Variants in NRG3 observed in about 807,000 individuals in gnomAD.
The protein encoded by NRG3 is neuregulin 3, also known as pro-neuregulin-3, membrane-bound isoform.
NRG3 carries 31 observed loss-of-function variants against 66.9 expected under a neutral mutation model. The ratio of observed to expected loss-of-function variants is 0.46; its 90% CI spans 0.35 to 0.63. The LOEUF is 0.63. NRG3 is among the 20% of genes least tolerant of loss of function. The pLI is 0.00. For synonymous variants in NRG3, 393 were observed against 359.4 expected (o/e 1.09, Z -1.06); for missense variants, 910 against 878.9 (o/e 1.04, Z -0.45).
At chr10:82,550,125 T>C (rs933155394) in intron 2 of NRG3, among the ~76,000 whole-genome samples, 2 of 152,212 alleles carry the variant, frequency 1.3e-5, no homozygotes, top group African/African-American at 4.8e-5. Flanking sequence ...ATGTGTAATA[T>C]GAACTCCTAG....
At chr10:82,131,941 C>T in intron 1 of NRG3, among the ~76,000 whole-genome samples, 1 of 152,058 alleles carries the variant, frequency 6.6e-6, no homozygotes, top group East Asian at 1.9e-4. Context: ...TTGGTGCAGT[C>T]TTCAGACGTT....
intron 4 of NRG3, among the ~76,000 whole-genome samples, chr10:82,921,462 T>G (rs1846413738): frequency 2.0e-5 from 3 of 152,182 alleles, no homozygotes; most frequent in Non-Finnish European, 1.5e-5. Context: ...TAATATTGCT[T>G]CAGTGTTGAT....
chr10:82,787,855 A>G (rs2060432616), intron 3 of NRG3, among the ~76,000 whole-genome samples: 1 of 152,170 alleles, frequency 6.6e-6, no homozygotes, highest in Non-Finnish European at 1.5e-5. Flanking sequence ...TTTGCAGGCT[A>G]CTATGGTGGG....
At chr10:82,310,048 C>T (rs989580359) in intron 1 of NRG3, among the ~76,000 whole-genome samples, 8 of 152,192 alleles carry the variant, frequency 5.3e-5, no homozygotes, top group Non-Finnish European at 1.0e-4. Context: ...CATTATGTCT[C>T]CTGGAAAATT....
At chr10:82,562,721 C>G (rs1179116242) in intron 2 of NRG3, among the ~76,000 whole-genome samples, 2 of 151,924 alleles carry the variant, frequency 1.3e-5, no homozygotes, top group Admixed American at 1.3e-4. Context: ...CTCTCCTGAG[C>G]AGCACCATTC....
chr10:82,427,390 A>C (rs961718035), intron 2 of NRG3, among the ~76,000 whole-genome samples: 1 of 152,192 alleles, frequency 6.6e-6, no homozygotes, highest in Non-Finnish European at 1.5e-5. Context: ...CTTATGAAAG[A>C]ATGTGAGACT....
intron 4 of NRG3, among the ~76,000 whole-genome samples, chr10:82,942,301 CTG>C (rs1261509390): frequency 1.3e-5 from 2 of 152,170 alleles, no homozygotes; most frequent in Non-Finnish European, 2.9e-5. Flanking sequence ...AGAACTATGA[CTG>C]TGATTTTCTT....
intron 4 of NRG3, among the ~76,000 whole-genome samples, chr10:82,943,214 T>C (rs1672696869): frequency 6.6e-6 from 1 of 152,248 alleles, no homozygotes. Context: ...TTCGTGCTTA[T>C]GTGTTTAATC....
At chr10:82,081,156 T>C (rs2133410036) in intron 1 of NRG3, among the ~76,000 whole-genome samples, 1 of 152,328 alleles carries the variant, frequency 6.6e-6, no homozygotes, top group Non-Finnish European at 1.5e-5. Context: ...CATGAATATT[T>C]GATGATCTGA....
chr10:82,976,385 T>A (rs1390636146), intron 7 of NRG3, among the ~76,000 whole-genome samples: 1 of 151,976 alleles, frequency 6.6e-6, no homozygotes, highest in African/African-American at 2.4e-5. Context: ...TGTATGTAGG[T>A]TTTTTGCATT....
intron 1 of NRG3, among the ~76,000 whole-genome samples, chr10:81,975,335 ATC>A (rs1564704413): frequency 6.7e-6 from 1 of 150,192 alleles, no homozygotes; most frequent in Non-Finnish European, 1.5e-5. Flanking sequence ...CTATCTATCT[ATC>A]TATCTATCTA....
At chr10:82,895,104 C>T (rs548753092) in intron 4 of NRG3, among the ~76,000 whole-genome samples, 6 of 152,220 alleles carry the variant, frequency 3.9e-5, no homozygotes, top group African/African-American at 9.6e-5. Flanking sequence ...TAGTATTCCA[C>T]GGTGTATATG....
At chr10:82,496,828 C>T (rs1277919886) in intron 2 of NRG3, among the ~76,000 whole-genome samples, 3 of 151,940 alleles carry the variant, frequency 2.0e-5, no homozygotes, top group Non-Finnish European at 4.4e-5. Context: ...AGAATATATT[C>T]CCAGAAGTAG....
At chr10:82,486,205 G>A (rs1183403635) in intron 2 of NRG3, among the ~76,000 whole-genome samples, 1 of 152,062 alleles carries the variant, frequency 6.6e-6, no homozygotes, top group Non-Finnish European at 1.5e-5. Context: ...GTATATTATT[G>A]GTGGGACTGT....
chr10:82,869,854 C>T (rs984809164), intron 4 of NRG3, among the ~76,000 whole-genome samples: 8 of 151,706 alleles, frequency 5.3e-5, no homozygotes, highest in East Asian at 3.9e-4. Flanking sequence ...GTGATCTGCC[C>T]GCCTCGGCCT....
chr10:82,976,469 C>A (rs1056010783), intron 7 of NRG3, among the ~76,000 whole-genome samples: 2 of 152,126 alleles, frequency 1.3e-5, no homozygotes, highest in African/African-American at 4.8e-5. Flanking sequence ...GATAGAGGAA[C>A]TCATCGTGCT....
intron 2 of NRG3, among the ~76,000 whole-genome samples, chr10:82,417,989 A>G (rs1241298328): frequency 6.6e-6 from 1 of 152,238 alleles, no homozygotes; most frequent in South Asian, 2.1e-4. Flanking sequence ...GGAAATTTCA[A>G]TTTAACCAGA....
At chr10:81,979,861 G>A (rs2060270295) in intron 1 of NRG3, among the ~76,000 whole-genome samples, 1 of 152,202 alleles carries the variant, frequency 6.6e-6, no homozygotes, top group Non-Finnish European at 1.5e-5. Flanking sequence ...GTTATAGTCA[G>A]TCACTCAGGC....
Position 82,156,861 on chromosome 10 carries a change from G to A in NRG3, c.824-201878G>A, listed in dbSNP as rs192479701. ...TAAGTTTATGTTGAAAGTGTCAATC[G>A]TCATTAATATCCCATAAGAAGAAAC... is the stretch of plus-strand genomic sequence containing the variant. On this transcript the variant is annotated intron_variant, in intron 1 of 8. Coordinates refer to ENST00000372141, the MANE Select transcript of NRG3 (RefSeq NM_001010848.4). Among the ~76,000 whole-genome samples the A allele has an allele frequency of 6.2e-4, 94 of 151,684 alleles. 1 individual carries two copies. Among genetic ancestry groups the A allele is most frequent in the African/African-American group, 1.9e-3 (77 of 41,490 alleles).
Sources: gnomAD v4.1 joint callset for allele counts (sites outside exome capture counted in the v4.1 genomes callset) on GRCh38, gnomAD v4.1.1 for gene constraint, MANE v1.5 for transcripts, NCBI Gene and HGNC (gene_info 2026-07-23, HGNC 2026-07-21) for gene names.